The following PARD3B variants were observed in gnomAD, a reference collection of about 807,000 sequenced individuals.
PARD3B encodes partitioning defective 3 homolog B.
A neutral mutation model predicts 130.2 loss-of-function variants in PARD3B; 103 were observed. The observed-to-expected ratio is 0.79, with a 90% CI of 0.67 to 0.93. The LOEUF (loss-of-function observed/expected upper bound fraction) is 0.93, where lower values mean the gene tolerates loss of function less well. Ranked by LOEUF, PARD3B falls within the 40% of genes least tolerant of loss-of-function variation. The pLI is 0.00. For missense variants in PARD3B, 1,609 were observed against 1,499.2 expected (o/e 1.07, Z -1.21); for synonymous variants, 583 against 553.2 (o/e 1.05, Z -0.76).
chr2:204,829,360 C>T (rs1056135965), intron 2 of PARD3B, among the ~76,000 whole-genome samples: 4 of 152,194 alleles, frequency 2.6e-5, no homozygotes, highest in African/African-American at 9.7e-5. Context: ...CTTTAATCAG[C>T]TTTCTTCAAT....
intron 1 of PARD3B, among the ~76,000 whole-genome samples, chr2:204,551,592 C>T (rs969234993): frequency 6.6e-6 from 1 of 152,080 alleles, no homozygotes; most frequent in African/African-American, 2.4e-5. Flanking sequence ...CCCCACACAC[C>T]CTCTGTGTAT....
At chr2:205,354,003 T>C (rs2044087594) in intron 18 of PARD3B, among the ~76,000 whole-genome samples, 1 of 146,032 alleles carries the variant, frequency 6.8e-6, no homozygotes, top group Admixed American at 7.4e-5. Flanking sequence ...TTCAAATCCT[T>C]CTTTCTTTTT....
At position 205,558,507 on chromosome 2, in the gene PARD3B, C is replaced by T. The variant is rs1459976585; in HGVS notation, c.3260+5104C>T. Among the ~76,000 whole-genome samples the T allele has an allele frequency of 6.6e-6, 1 of 152,178 alleles. No individual in the cohort carries two copies. Among genetic ancestry groups the T allele is most frequent in the Non-Finnish European group, 1.5e-5 (1 of 68,032 alleles). On this transcript the variant is annotated intron_variant, in intron 22 of 22. Coordinates refer to ENST00000406610, the MANE Select transcript of PARD3B (RefSeq NM_001302769.2). This position sits in a 1 kb window ranked among gnomAD's most constrained non-coding sequence, Gnocchi z 4.8. Reference sequence around the variant, plus strand: ...CAGAGAAAAACAAAGACCCTTGGCTCAACCCTCCTTTTCCCACATTTCCTA... The same window carrying T: ...CAGAGAAAAACAAAGACCCTTGGCTTAACCCTCCTTTTCCCACATTTCCTA...
chr2:204,905,945 C>T (rs534612870), intron 2 of PARD3B, among the ~76,000 whole-genome samples: 13 of 152,062 alleles, frequency 8.5e-5, no homozygotes, highest in African/African-American at 2.9e-4. Context: ...GAGAGTAACA[C>T]GTCTAAGACT....
chr2:205,072,334 C>G (rs1448429500), intron 4 of PARD3B, among the ~76,000 whole-genome samples: 1 of 151,238 alleles, frequency 6.6e-6, no homozygotes, highest in East Asian at 2.0e-4. Flanking sequence ...ACTGCAACTT[C>G]TGCCCCCCTG....
chr2:204,989,305 G>GC (rs1693442205), intron 3 of PARD3B, among the ~76,000 whole-genome samples: 1 of 152,088 alleles, frequency 6.6e-6, no homozygotes, highest in Admixed American at 6.5e-5. Flanking sequence ...TGTAAGGTAG[G>GC]GAAAAATTGG....
In PARD3B at chr2:205,121,514, G is replaced by A. The variant is rs1374100434; in HGVS notation, c.807-77G>A. 1 of 1,264,426 alleles carries A rather than the reference G, an allele frequency of 7.9e-7. No individual in the cohort carries two copies. The highest frequency in any genetic ancestry group is 1.1e-6 in the Non-Finnish European group (1 of 889,560). The allele number at this position is 1,264,426 out of a possible 1,614,324, so 78.3% of individuals were successfully genotyped here. A position where few individuals can be genotyped will look rare whatever the true frequency, so the allele number is the denominator to read the frequency against. On this transcript the variant is annotated intron_variant, in intron 7 of 22. Coordinates refer to ENST00000406610, the MANE Select transcript of PARD3B (RefSeq NM_001302769.2). This position sits in a 1 kb window ranked among gnomAD's most constrained non-coding sequence, Gnocchi z 5.0. ...ATTAGCCACTGTGCTGCTCTTGGTT[G>A]CCATCCTCCTGGGGTACTTTAGAAG...
At chr2:205,251,632 A>T (rs1014576771) in intron 16 of PARD3B, among the ~76,000 whole-genome samples, 1 of 152,340 alleles carries the variant, frequency 6.6e-6, no homozygotes, top group African/African-American at 2.4e-5. Context: ...TTTATAGAAT[A>T]TTAAAATTTG....
intron 22 of PARD3B, among the ~76,000 whole-genome samples, chr2:205,560,498 T>C (rs1355259239): frequency 6.6e-6 from 1 of 151,868 alleles, no homozygotes; most frequent in African/African-American, 2.4e-5. Flanking sequence ...CTCCTGAGAG[T>C]TGAAAAAACA....
At chr2:205,107,200 G>A (rs1703287491) in intron 5 of PARD3B, among the ~76,000 whole-genome samples, 1 of 152,174 alleles carries the variant, frequency 6.6e-6, no homozygotes, top group South Asian at 2.1e-4. Flanking sequence ...TCTGTCAAAT[G>A]TCAGTTTCCC....
chr2:204,583,481 G>C (rs2032671505), intron 1 of PARD3B, among the ~76,000 whole-genome samples: 1 of 108,018 alleles, frequency 9.3e-6, no homozygotes, highest in African/African-American at 3.5e-5. Flanking sequence ...GTGGTGGGGT[G>C]GGGGGAGGGG....
At chr2:204,588,131 G>T (rs1056498621) in intron 1 of PARD3B, among the ~76,000 whole-genome samples, 2 of 152,154 alleles carry the variant, frequency 1.3e-5, no homozygotes, top group African/African-American at 4.8e-5. Flanking sequence ...ACAAGTCATG[G>T]TATCTGACTT....
rs373182958 is a variant in PARD3B at position 204,935,526 on chromosome 2, A to G, written c.223-29626A>G. 5.2e-4 allele frequency among the ~76,000 whole-genome samples: 79 copies of G among 151,874 alleles called. 1 individual carries two copies. The South Asian group carries it at 0.012, about 23-fold the overall frequency. ...TGTACTCCAGCCTGAGTGACAGAGCAAGACTCCGTCTCAAAAACAAATAAA... is the reference window on the plus strand; with the variant it reads ...TGTACTCCAGCCTGAGTGACAGAGCGAGACTCCGTCTCAAAAACAAATAAA... On this transcript the variant is annotated intron_variant, in intron 2 of 22. Coordinates refer to ENST00000406610, the MANE Select transcript of PARD3B (RefSeq NM_001302769.2).
At position 205,525,411 on chromosome 2, in the gene PARD3B, T is replaced by A. The variant is rs2051292553; in HGVS notation, c.3180+25380T>A. Among the ~76,000 whole-genome samples, 1 of 152,136 alleles carries A rather than the reference T, an allele frequency of 6.6e-6. No individual in the cohort carries two copies. The highest frequency in any genetic ancestry group is 2.1e-4 in the South Asian group (1 of 4,828). ...AGGTTTTTTTGTTTTTGTTTTTACA[T>A]TGAAGATGTAAAAAATAATTACAAT... On this transcript the variant is annotated intron_variant, in intron 21 of 22. Transcript: ENST00000406610. This position sits in a 1 kb window ranked among gnomAD's most constrained non-coding sequence, Gnocchi z 4.2.
At chr2:205,486,039 C>A (rs1305000452) in intron 20 of PARD3B, among the ~76,000 whole-genome samples, 1 of 152,158 alleles carries the variant, frequency 6.6e-6, no homozygotes, top group African/African-American at 2.4e-5. Context: ...ATCACCTTTG[C>A]ATCCCTAAGG....
chr2:204,968,434 A>G, intron 3 of PARD3B, among the ~76,000 whole-genome samples: 1 of 152,138 alleles, frequency 6.6e-6, no homozygotes, highest in East Asian at 1.9e-4. Context: ...TTTATCTTCC[A>G]GGATGTAATA....
chr2:205,395,501 C>T (rs918853470), intron 18 of PARD3B, among the ~76,000 whole-genome samples: 1 of 152,182 alleles, frequency 6.6e-6, no homozygotes, highest in Non-Finnish European at 1.5e-5. Context: ...CCCCAACCCC[C>T]ACTCGTGTCT....
intron 4 of PARD3B, among the ~76,000 whole-genome samples, chr2:205,099,505 C>T (rs1252353637): frequency 1.3e-5 from 2 of 152,172 alleles, no homozygotes; most frequent in Non-Finnish European, 2.9e-5. Flanking sequence ...TGTGCAATTT[C>T]ATGACTCTTC....
chr2:204,703,470 T>A (rs2037990172), intron 2 of PARD3B, among the ~76,000 whole-genome samples: 1 of 152,192 alleles, frequency 6.6e-6, no homozygotes, highest in Non-Finnish European at 1.5e-5. Context: ...TATGCTCTTG[T>A]AAAAATACAG....
Sources: allele counts gnomAD v4.1 joint callset (sites outside exome capture counted in the v4.1 genomes callset), GRCh38; gene constraint gnomAD v4.1.1; non-coding constraint Gnocchi (gnomAD v3.1); transcripts MANE v1.5; gene names NCBI Gene and HGNC (gene_info 2026-07-23, HGNC 2026-07-21).